Variants in PCARE observed in about 807,000 individuals in gnomAD.
The protein encoded by PCARE is photoreceptor cilium actin regulator, also known as uncharacterized protein C2orf71.
In PCARE, 72 loss-of-function variants were observed where a neutral mutation model predicts 82.2. That is an observed-to-expected ratio of 0.88 (90% CI 0.72 to 1.07). The LOEUF is 1.07. Ranked by LOEUF, PCARE falls within the 50% of genes least tolerant of loss-of-function variation. The pLI is 0.00. For synonymous variants in PCARE, 705 were observed against 634.8 expected (o/e 1.11, Z -1.66); for missense variants, 1,768 against 1,592.4 (o/e 1.11, Z -1.88).
chr2:29,064,934 G>A lies in PCARE; in HGVS notation c.3802C>T (p.Arg1268Trp), dbSNP rs775287807. The change falls in exon 2 of 2, where the codon CGG (arginine) becomes TGG (tryptophan). Residue 1268 changes from arginine to tryptophan, a missense_variant. Transcript: ENST00000331664. ...GATTTGTCCTGGATGTGGCCGGTCC[G>A]AGGCTCCGGTTGCAGCCCGTGGCCC... Reference protein sequence around the residue: ...VLGHGLQPEPRTGHIQDKSQP... With the variant: ...VLGHGLQPEPWTGHIQDKSQP... 3.7e-6 allele frequency: 6 copies of A among 1,610,876 alleles called. No individual in the cohort carries two copies. Among genetic ancestry groups the A allele is most frequent in the Middle Eastern group, 1.9e-4 (1 of 5,162 alleles).
chr2:29,072,597 G>A lies in PCARE; in HGVS notation c.1665C>T (p.Val555=). Residue 555 remains valine (V), a synonymous_variant, in exon 1 of 2, where the codon GTC becomes GTT. Coordinates refer to ENST00000331664, the MANE Select transcript of PCARE (RefSeq NM_001029883.3). The stretch of plus-strand genomic sequence containing the variant: ...AGTCCTGGTGCCCACAGGGCACAGG[G>A]ACAAACTTGATCCTTTCGCTGATTG... The part of the protein sequence containing the change: ...KESISERIKF[V]PVPCGHQDWS... 6.2e-7 allele frequency: 1 copy of A among 1,614,126 alleles called. No individual in the cohort carries two copies. Among genetic ancestry groups the A allele is most frequent in the Non-Finnish European group, 8.5e-7 (1 of 1,180,018 alleles).
chr2:29,065,872 C>T (rs779028208), intron 1 of PCARE, among the ~76,000 whole-genome samples: 6 of 152,192 alleles, frequency 3.9e-5, no homozygotes, highest in Non-Finnish European at 7.3e-5. Flanking sequence ...ATAGGCCGGG[C>T]GTGCTGGCTC....
intron 1 of PCARE, among the ~76,000 whole-genome samples, chr2:29,068,367 T>C (rs1667421200): frequency 6.6e-6 from 1 of 152,244 alleles, no homozygotes; most frequent in African/African-American, 2.4e-5. Flanking sequence ...TTACCATTTG[T>C]GCCTGGACAG....
rs1667347638 is a variant in PCARE at position 29,063,888 on chromosome 2, G to A, written c.*981C>T. ...CCAAGAAGCCTCCGAGGGGAGATCG[G>A]CGTGTGAGTACGTATGCCTCACCCA... On this transcript the variant is annotated 3_prime_UTR_variant, in exon 2 of 2. Coordinates refer to ENST00000331664, the MANE Select transcript of PCARE (RefSeq NM_001029883.3). 1 of 152,650 alleles carries A rather than the reference G, an allele frequency of 6.6e-6. No homozygotes were observed. The highest frequency in any genetic ancestry group is 1.5e-5 in the Non-Finnish European group (1 of 68,048). 9.5% of individuals were successfully genotyped at this position (152,650 alleles called of 1,614,324 possible).
intron 1 of PCARE, among the ~76,000 whole-genome samples, chr2:29,067,413 C>T (rs943678124): frequency 6.6e-6 from 1 of 152,196 alleles, no homozygotes; most frequent in Non-Finnish European, 1.5e-5. Flanking sequence ...ACTTTCCCAT[C>T]ACATGCTCAC....
chr2:29,073,394 C>T lies in PCARE; in HGVS notation c.868G>A (p.Gly290Ser), dbSNP rs376703307. 35 of 1,613,696 alleles carry T rather than the reference C, an allele frequency of 2.2e-5. No homozygotes were observed. Among genetic ancestry groups the T allele is most frequent in the East Asian group, 4.5e-5 (2 of 44,890 alleles). The part of the protein sequence containing the change: ...VLNGTVASLT[G>S]SFLEGSSSYL... Reference sequence around the variant, plus strand: ...CTGCTGGAGCCCTCCAGGAAGCTGCCGGTGAGCGAGGCCACTGTGCCATTG... The same window carrying T: ...CTGCTGGAGCCCTCCAGGAAGCTGCTGGTGAGCGAGGCCACTGTGCCATTG... Residue 290 changes from glycine (G) to serine (S), a missense_variant, in exon 1 of 2, where the codon GGC becomes AGC. By Grantham distance (56) the Gly-to-Ser change is moderately conservative. Transcript: ENST00000331664.
chr2:29,065,809 C>T (rs935728417), intron 1 of PCARE, among the ~76,000 whole-genome samples: 1 of 152,234 alleles, frequency 6.6e-6, no homozygotes, highest in African/African-American at 2.4e-5. Context: ...GACTCTCTGG[C>T]TTATTAGTTC....
At position 29,072,465 on chromosome 2, in the gene PCARE, A is replaced by T. The variant is rs1398819692; in HGVS notation, c.1797T>A (p.Cys599Ter). 4 of 1,614,088 alleles carry T rather than the reference A, an allele frequency of 2.5e-6. No homozygotes were observed. Among genetic ancestry groups the T allele is most frequent in the Non-Finnish European group, 3.4e-6 (4 of 1,180,012 alleles). ...TGGGGTCCTCCACGTGACTCTGGAG[A>T]CACGACTCTGACTGGGACCTCGTCT... ...ERQTRSQSES[C>*]LQSHVEDPTF... is the part of the protein sequence containing the mutation. Residue 599 changes from cysteine to a stop codon, truncating the protein, a stop_gained, in exon 1 of 2, where the codon TGT (cysteine) becomes TGA (stop). Transcript: ENST00000331664. LOFTEE classifies it high-confidence loss of function.
rs976867001 is a variant in PCARE, at chr2:29,064,439, G to A, written c.*430C>T. 1 of 255,758 alleles carries A rather than the reference G, an allele frequency of 3.9e-6. No homozygotes were observed. The highest frequency in any genetic ancestry group is 7.7e-6 in the Non-Finnish European group (1 of 129,888). 15.8% of individuals were successfully genotyped at this position (255,758 alleles called of 1,614,324 possible). A position where few individuals can be genotyped will look rare whatever the true frequency, so the allele number is the denominator to read the frequency against. ...GACCTTCAGCCAGACACTTGAGGGG[G>A]CCTCTCCCCACACCTTCGGTTTTCA... On this transcript the variant is annotated 3_prime_UTR_variant, in exon 2 of 2. Transcript: ENST00000331664.
intron 1 of PCARE, 33 bp from the exon 2 acceptor site, chr2:29,065,100 A>G: frequency 6.5e-7 from 1 of 1,543,538 alleles, no homozygotes; most frequent in Non-Finnish European, 8.7e-7. Flanking sequence ...CAGGTCAGAC[A>G]CTCCTCCTCT....
chr2:29,064,875 C>T lies in PCARE; in HGVS notation c.3861G>A (p.Val1287=), dbSNP rs1322668000. The T allele has an allele frequency of 6.8e-6, 11 of 1,611,260 alleles. No individual in the cohort carries two copies. The highest frequency in any genetic ancestry group is 2.7e-5 in the African/African-American group (2 of 74,856). Residue 1287 remains valine, a synonymous_variant, in exon 2 of 2, where the codon GTG becomes GTA. Transcript: ENST00000331664. ...TGGCCCCCTCGTCAGCCTGTCAGGA[C>T]ACCTCCTCTTGCTGGGGCTGCGCCT... The part of the protein sequence containing the change: ...QPEAQPQQEE[V]S
Position 29,071,571 on chromosome 2 carries a change from G to T in PCARE, c.2691C>A (p.Thr897=). The change falls in exon 1 of 2, where the codon ACC becomes ACA. Residue 897 remains threonine, a synonymous_variant. Transcript: ENST00000331664. The stretch of plus-strand genomic sequence containing the variant: ...TGCTGTGAGGCTTGGTCAGGCTGGC[G>T]GTGCTCTTGCTGGGCAGCAAGTCCA... ...SPLDLLPSKS[T]ASLTKPHSTG... The T allele has an allele frequency of 6.2e-7, 1 of 1,610,760 alleles. No individual in the cohort carries two copies.
Position 29,072,519 on chromosome 2 carries a change from T to TA in PCARE, c.1742dup (p.Ser582LysfsTer8). On this transcript the variant is annotated frameshift_variant, in exon 1 of 2. Coordinates refer to ENST00000331664, the MANE Select transcript of PCARE (RefSeq NM_001029883.3). LOFTEE classifies it high-confidence loss of function. Reference sequence around the variant, plus strand: ...TCTCAGGGGCCCTCCTGCTGCCACTTACCGTGCTAGGTCTTGGGGGGACCA... The same window carrying TA: ...TCTCAGGGGCCCTCCTGCTGCCACTTAACCGTGCTAGGTCTTGGGGGGACCA... The TA allele has an allele frequency of 6.2e-7, 1 of 1,614,200 alleles. No homozygotes were observed. The highest frequency in any genetic ancestry group is 8.5e-7 in the Non-Finnish European group (1 of 1,180,042).
rs1266359303 is a variant in PCARE, at chr2:29,070,623, G to A, written c.3639C>T (p.Thr1213=). 3 of 1,614,058 alleles carry A rather than the reference G, an allele frequency of 1.9e-6. No individual in the cohort carries two copies. Among genetic ancestry groups the A allele is most frequent in the Non-Finnish European group, 2.5e-6 (3 of 1,179,924 alleles). Residue 1213 remains threonine, a synonymous_variant, in exon 1 of 2, where the codon ACC becomes ACT. Transcript: ENST00000331664. ...TCTGGCCGAGCTGGGATTCATAAGA[G>A]GTGCTGGTGGGGTCCAAGGTGGGAG... ...PQPPTLDPTS[T]SYESQLGQNS... is the part of the protein sequence containing the mutation.
chr2:29,071,127 C>T lies in PCARE; in HGVS notation c.3135G>A (p.Lys1045=), dbSNP rs1210808250. 1 of 1,584,410 alleles carries T rather than the reference C, an allele frequency of 6.3e-7. No individual in the cohort carries two copies. The highest frequency in any genetic ancestry group is 8.6e-7 in the Non-Finnish European group (1 of 1,165,318). ...SPRVLSPPTT[K]RRTSPPHQPK... ...GCTGGTGCGGTGGGGAAGTTCGCCG[C>T]TTTGTGGTGGGTGGGCTTAGCACCC... The change falls in exon 1 of 2, where the codon AAG becomes AAA. Residue 1045 remains lysine, a synonymous_variant. Coordinates refer to ENST00000331664, the MANE Select transcript of PCARE (RefSeq NM_001029883.3).
In PCARE at chr2:29,065,093, G is replaced by A. The variant is rs1465268345; in HGVS notation, c.3669-26C>T. The A allele has an allele frequency of 3.9e-6, 6 of 1,546,420 alleles. No individual in the cohort carries two copies. The African/African-American group carries it at 8.2e-5, about 21-fold the overall frequency. On this transcript the variant is annotated intron_variant, in intron 1 of 1. Coordinates refer to ENST00000331664, the MANE Select transcript of PCARE (RefSeq NM_001029883.3). ...CTGCCGAGAGAAAGGACAAGTGCAGGTCAGACACTCCTCCTCTGCTGCTCC... is the reference window on the plus strand; with the variant it reads ...CTGCCGAGAGAAAGGACAAGTGCAGATCAGACACTCCTCCTCTGCTGCTCC...
Position 29,071,078 on chromosome 2 carries a change from CG to C in PCARE, c.3183del (p.Glu1062ArgfsTer51), listed in dbSNP as rs757391015. 18 of 1,262,862 alleles carry C rather than the reference CG, an allele frequency of 1.4e-5. No homozygotes were observed. The highest frequency in any genetic ancestry group is 1.1e-4 in the Admixed American group (3 of 26,758). 78.2% of individuals were successfully genotyped at this position (1,262,862 alleles called of 1,614,324 possible). ...ACCTTGCACTGAGCAGGTGCACTCT[CG>C]GGGGGAGGGTTGGGCAACTTGGGCT... ...PHQPKLPNPPPESAPAQCKVP... is the reference protein window; with the variant it reads ...PHQPKLPNPPXESAPAQCKVP... On this transcript the variant is annotated frameshift_variant, in exon 1 of 2. Transcript: ENST00000331664. LOFTEE classifies it high-confidence loss of function.
intron 1 of PCARE, 58 bp downstream of exon 1, chr2:29,070,536 G>T (rs941763920): frequency 1.2e-6 from 2 of 1,605,818 alleles, no homozygotes; most frequent in Non-Finnish European, 1.7e-6. Flanking sequence ...TGGCCCATTC[G>T]CTCTGTTCCT....
Position 29,070,846 on chromosome 2 carries a change from G to C in PCARE, c.3416C>G (p.Thr1139Arg). ...SLFEAKPPLS[T>R]AHPLTPPSLP... ...CGATGGTGGGGTCAGTGGGTGGGCT[G>C]TTGAGAGTGGCGGTTTAGCTTCAAA... Residue 1139 changes from threonine to arginine, a missense_variant, in exon 1 of 2, where the codon ACA becomes AGA. Transcript: ENST00000331664. The C allele has an allele frequency of 6.2e-7, 1 of 1,614,048 alleles. No individual in the cohort carries two copies. The highest frequency in any genetic ancestry group is 8.5e-7 in the Non-Finnish European group (1 of 1,180,034).
Sources: allele counts gnomAD v4.1 joint callset (sites outside exome capture counted in the v4.1 genomes callset), GRCh38; gene constraint gnomAD v4.1.1; transcripts MANE v1.5; gene names NCBI Gene and HGNC (gene_info 2026-07-23, HGNC 2026-07-21).